Variants in MARCHF2 observed in about 807,000 individuals in gnomAD.
The protein encoded by MARCHF2 is E3 ubiquitin-protein ligase MARCHF2.
Under a neutral mutation model 24.0 loss-of-function variants are expected in MARCHF2, and 22 were observed. The ratio of observed to expected loss-of-function variants is 0.92; its 90% CI spans 0.66 to 1.31. MARCHF2 has a LOEUF of 1.31. MARCHF2 is among the 50% of genes most tolerant of loss of function. MARCHF2 has a pLI of 0.00. For synonymous variants in MARCHF2, 154 were observed against 153.0 expected (o/e 1.01, Z -0.05); for missense variants, 301 against 335.3 (o/e 0.90, Z 0.80).
In MARCHF2 at chr19:8,438,708, C is replaced by G; in HGVS notation, c.*162C>G. 1 of 622,272 alleles carries G rather than the reference C, an allele frequency of 1.6e-6. No individual in the cohort carries two copies. The highest frequency in any genetic ancestry group is 2.7e-6 in the Non-Finnish European group (1 of 372,148). 38.5% of individuals were successfully genotyped at this position (622,272 alleles called of 1,614,324 possible). On this transcript the variant is annotated 3_prime_UTR_variant, in exon 5 of 5. Coordinates refer to ENST00000215555, the MANE Select transcript of MARCHF2 (RefSeq NM_001005415.2). ...ACCATGCAGAGCCTAGTCTGTGATC[C>G]TGTGTGAAGATATTTTCAGGGTTTT...
At chr19:8,427,494 G>T (rs964391552) in intron 3 of MARCHF2, among the ~76,000 whole-genome samples, 1 of 148,490 alleles carries the variant, frequency 6.7e-6, no homozygotes, top group African/African-American at 2.5e-5. Context: ...GGACTTCAAA[G>T]CATCGCTTCT....
chr19:8,414,911 GC>G, intron 1 of MARCHF2, among the ~76,000 whole-genome samples: 1 of 152,290 alleles, frequency 6.6e-6, no homozygotes, highest in Non-Finnish European at 1.5e-5. Context: ...CGGTGGCATA[GC>G]CAGGAGGGCC....
chr19:8,436,110 T>C (rs1967712997), intron 4 of MARCHF2, among the ~76,000 whole-genome samples: 1 of 151,970 alleles, frequency 6.6e-6, no homozygotes, highest in Admixed American at 6.6e-5. Context: ...TTATAAGTTT[T>C]GATGAATGTA....
rs1599713571 is a variant in MARCHF2 at position 8,430,590 on chromosome 19, C to T, written c.373-68C>T. 7.4e-7 allele frequency: 1 copy of T among 1,343,146 alleles called. No homozygotes were observed. Among genetic ancestry groups the T allele is most frequent in the East Asian group, 2.3e-5 (1 of 43,422 alleles). The allele number at this position is 1,343,146 out of a possible 1,614,324, so 83.2% of individuals were successfully genotyped here. A position where few individuals can be genotyped will look rare whatever the true frequency, so the allele number is the denominator to read the frequency against. On this transcript the variant is annotated intron_variant, in intron 3 of 4. Transcript: ENST00000215555. The surrounding 1 kb of genome is among the most constrained non-coding windows in gnomAD (Gnocchi z 4.4). ...AGAGGGAGGCCTAGGCCTGGAGGTCCTTACCCCTCCCCCTCAGTAGCCCCT... is the reference window on the plus strand; with the variant it reads ...AGAGGGAGGCCTAGGCCTGGAGGTCTTTACCCCTCCCCCTCAGTAGCCCCT...
chr19:8,421,669 C>A, intron 1 of MARCHF2, 120 bp from the exon 2 acceptor site: 1 of 544,056 alleles, frequency 1.8e-6, no homozygotes, highest in Non-Finnish European at 3.2e-6. Context: ...ATGGTGCAAA[C>A]TGAGGCTCAG....
Position 8,426,680 on chromosome 19 carries a change from C to G in MARCHF2, c.248C>G (p.Thr83Ser). 6.2e-7 allele frequency: 1 copy of G among 1,613,976 alleles called. No individual in the cohort carries two copies. The highest frequency in any genetic ancestry group is 8.5e-7 in the Non-Finnish European group (1 of 1,180,026). ...TGCTTGCTGTCCCCGTGTGGCTGCA[C>G]CGGCACGCTGGGTGCCGTGCATAAG... ...GECLLSPCGC[T>S]GTLGAVHKSC... The change falls in exon 3 of 5, where the codon ACC becomes AGC. Residue 83 changes from threonine (T) to serine (S), a missense_variant. By Grantham distance (58) the Thr-to-Ser change is moderately conservative (BLOSUM62 1). Coordinates refer to ENST00000215555, the MANE Select transcript of MARCHF2 (RefSeq NM_001005415.2).
chr19:8,429,084 C>A (rs545998457), intron 3 of MARCHF2, among the ~76,000 whole-genome samples: 84 of 140,380 alleles, frequency 6.0e-4, no homozygotes, highest in Admixed American at 1.3e-3. Context: ...GCCCCCTCCC[C>A]ACACATCTTG....
Position 8,421,805 on chromosome 19 carries a change from G to A in MARCHF2, c.-36G>A. The A allele has an allele frequency of 6.4e-7, 1 of 1,558,638 alleles. No individual in the cohort carries two copies. Among genetic ancestry groups the A allele is most frequent in the Non-Finnish European group, 8.7e-7 (1 of 1,150,134 alleles). On this transcript the variant is annotated 5_prime_UTR_variant, in exon 2 of 5. Transcript: ENST00000215555. ...TGTTCCCAGGCTCCTGGAACCATGG[G>A]CCTCAGGCCCTGAGGATACGGGGCT...
At chr19:8,432,054 A>T (rs1967600611) in intron 4 of MARCHF2, among the ~76,000 whole-genome samples, 1 of 152,052 alleles carries the variant, frequency 6.6e-6, no homozygotes, top group Non-Finnish European at 1.5e-5. Context: ...GCTACTAGGG[A>T]AGTTGAGGCA....
chr19:8,433,764 T>C (rs1375774324), intron 4 of MARCHF2, among the ~76,000 whole-genome samples: 1 of 151,006 alleles, frequency 6.6e-6, no homozygotes, highest in Admixed American at 6.6e-5. Context: ...CTCGGGAGGC[T>C]GAGGCACAAG....
At chr19:8,415,064 T>A (rs1471979728) in intron 1 of MARCHF2, among the ~76,000 whole-genome samples, 1 of 152,166 alleles carries the variant, frequency 6.6e-6, no homozygotes, top group African/African-American at 2.4e-5. Flanking sequence ...TCTTTCCCCA[T>A]CATAGGGTGT....
At chr19:8,427,183 G>T (rs912038201) in intron 3 of MARCHF2, among the ~76,000 whole-genome samples, 1 of 152,090 alleles carries the variant, frequency 6.6e-6, no homozygotes, top group East Asian at 1.9e-4. Context: ...AAGTAGCTGG[G>T]ATGACAGGCG....
At chr19:8,421,705 A>T in intron 1 of MARCHF2, 84 bp from the exon 2 acceptor site, 1 of 700,496 alleles carries the variant, frequency 1.4e-6, no homozygotes, top group Non-Finnish European at 2.3e-6. Context: ...AGTGGTCCCT[A>T]CAGCCTTGAC....
chr19:8,414,273 C>T (rs1056540738), intron 1 of MARCHF2, among the ~76,000 whole-genome samples: 4 of 151,868 alleles, frequency 2.6e-5, no homozygotes, highest in East Asian at 3.9e-4. Context: ...TATGACTCCC[C>T]GTCTTTTTTT....
At chr19:8,418,642 C>T (rs542151270) in intron 1 of MARCHF2, 2 of 152,336 alleles carry the variant, frequency 1.3e-5, no homozygotes, top group South Asian at 2.1e-4. Flanking sequence ...GAGGCTCCCT[C>T]CTCAGCCTCC....
intron 1 of MARCHF2, among the ~76,000 whole-genome samples, chr19:8,420,946 A>G (rs934331975): frequency 6.6e-6 from 1 of 151,948 alleles, no homozygotes; most frequent in African/African-American, 2.4e-5. Context: ...TACAGGTGTG[A>G]GCCACTGCTC....
chr19:8,426,043 C>G (rs934879089), intron 2 of MARCHF2, among the ~76,000 whole-genome samples: 1 of 150,862 alleles, frequency 6.6e-6, no homozygotes, highest in African/African-American at 2.4e-5. Flanking sequence ...CTGGCTAACA[C>G]GGTGAAACCC....
rs1725006764 is a variant in MARCHF2 at position 8,430,160 on chromosome 19, T to G, written c.373-498T>G. 6.6e-6 allele frequency among the ~76,000 whole-genome samples: 1 copy of G among 151,990 alleles called. No homozygotes were observed. Among genetic ancestry groups the G allele is most frequent in the Admixed American group, 6.6e-5 (1 of 15,224 alleles). On this transcript the variant is annotated intron_variant, in intron 3 of 4. Coordinates refer to ENST00000215555, the MANE Select transcript of MARCHF2 (RefSeq NM_001005415.2). The surrounding 1 kb of genome is among the most constrained non-coding windows in gnomAD (Gnocchi z 4.4). The stretch of plus-strand genomic sequence containing the variant: ...GGGCAGATCACTTAAGGTCACAAGT[T>G]CGAGACCAGCCTGACAAACATGGTG...
At chr19:8,415,742 A>C (rs1332606521) in intron 1 of MARCHF2, among the ~76,000 whole-genome samples, 1 of 51,736 alleles carries the variant, frequency 1.9e-5, no homozygotes, top group Non-Finnish European at 5.2e-5. Context: ...AAACAAAAAA[A>C]ACAAAAAAAA....
Sources: allele counts gnomAD v4.1 joint callset (sites outside exome capture counted in the v4.1 genomes callset), GRCh38; gene constraint gnomAD v4.1.1; non-coding constraint Gnocchi (gnomAD v3.1); transcripts MANE v1.5; gene names NCBI Gene and HGNC (gene_info 2026-07-23, HGNC 2026-07-21).